The following HDAC4 variants were observed in gnomAD, a reference collection of about 807,000 sequenced individuals.
The protein encoded by HDAC4 is histone deacetylase A.
HDAC4 carries 16 observed loss-of-function variants against 135.1 expected under a neutral mutation model. The ratio of observed to expected loss-of-function variants is 0.12; its 90% CI spans 0.08 to 0.18. The LOEUF is 0.18. Among genes scored for constraint, HDAC4 ranks in the 10% least tolerant of loss-of-function variants. HDAC4 has a pLI of 1.00. For missense variants in HDAC4, 1,143 were observed against 1,511.8 expected, an observed-to-expected ratio of 0.76 and a Z score of 4.05; for synonymous variants, 685 against 653.4, an observed-to-expected ratio of 1.05 and a Z score of -0.74.
Position 239,146,200 on chromosome 2 carries a change from C to T in HDAC4, c.734-1486G>A, listed in dbSNP as rs1415181394. Among the ~76,000 whole-genome samples the T allele has an allele frequency of 6.6e-6, 1 of 152,226 alleles. No homozygotes were observed. Among genetic ancestry groups the T allele is most frequent in the Non-Finnish European group, 1.5e-5 (1 of 68,040 alleles). Reference sequence around the variant, plus strand: ...CACAAGCTCCACTTCTATTTCCACGCTGGGTTTCTTGCCATTATTCAAAAG... The same window carrying T: ...CACAAGCTCCACTTCTATTTCCACGTTGGGTTTCTTGCCATTATTCAAAAG... On this transcript the variant is annotated intron_variant, in intron 7 of 26. Transcript: ENST00000543185. The surrounding 1 kb of genome is among the most constrained non-coding windows in gnomAD (Gnocchi z 4.5).
At position 239,051,339 on chromosome 2, in the gene HDAC4, T is replaced by C. The variant is rs1426119630; in HGVS notation, c.*1758A>G. 1 of 152,080 alleles carries C rather than the reference T, an allele frequency of 6.6e-6. No individual in the cohort carries two copies. The highest frequency in any genetic ancestry group is 1.5e-5 in the Non-Finnish European group (1 of 67,994). The allele number at this position is 152,080 out of a possible 1,614,324, so 9.4% of individuals were successfully genotyped here. A position where few individuals can be genotyped will look rare whatever the true frequency, so the allele number is the denominator to read the frequency against. The stretch of plus-strand genomic sequence containing the variant: ...CTCCTCTCACTTTCTGAAAATAGAA[T>C]CTGACAGCAACAATTCTGTACGCTG... On this transcript the variant is annotated 3_prime_UTR_variant, in exon 27 of 27. Coordinates refer to ENST00000543185, the MANE Select transcript of HDAC4 (RefSeq NM_001378414.1).
intron 2 of HDAC4, among the ~76,000 whole-genome samples, chr2:239,295,263 C>T (rs1234904770): frequency 5.3e-5 from 7 of 132,504 alleles, no homozygotes; most frequent in Middle Eastern, 4.1e-3. Context: ...GCCGAGATCG[C>T]GCCCCTGCAC....
At chr2:239,371,559 A>C (rs1020199161) in intron 1 of HDAC4, among the ~76,000 whole-genome samples, 9 of 152,148 alleles carry the variant, frequency 5.9e-5, no homozygotes, top group Admixed American at 2.0e-4. Flanking sequence ...ACATGCACTC[A>C]TGCTCACAGT....
chr2:239,206,330 A>ATT (rs2046045380), intron 3 of HDAC4, among the ~76,000 whole-genome samples: 1 of 152,036 alleles, frequency 6.6e-6, no homozygotes, highest in Non-Finnish European at 1.5e-5. Context: ...CCTGCCTCAA[A>ATT]AAAAAAGAAA....
chr2:239,230,063 C>T (rs11691856), intron 3 of HDAC4, among the ~76,000 whole-genome samples: 19,685 of 151,962 alleles, frequency 0.13, 1,369 homozygotes, highest in African/African-American at 0.15. Context: ...AGGGTGGAAC[C>T]GGGAATCTTA....
chr2:239,388,156 G>A (rs1048800439), intron 1 of HDAC4, among the ~76,000 whole-genome samples: 13 of 152,198 alleles, frequency 8.5e-5, no homozygotes, highest in Non-Finnish European at 1.8e-4. Context: ...CTGGGGTTGG[G>A]GAAAGGCTGG....
intron 2 of HDAC4, among the ~76,000 whole-genome samples, chr2:239,267,275 C>T (rs892544881): frequency 1.1e-4 from 17 of 152,206 alleles, no homozygotes; most frequent in African/African-American, 3.9e-4. Flanking sequence ...AACACTAATC[C>T]GTGACCATGG....
chr2:239,166,307 G>A (rs3791521), intron 5 of HDAC4, among the ~76,000 whole-genome samples: 78,311 of 151,908 alleles, frequency 0.52, 20,916 homozygotes, highest in South Asian at 0.72. Context: ...ACGACCACCA[G>A]CATGAGTCCG....
In HDAC4 at chr2:239,290,892, G is replaced by A. The variant is rs140813019; in HGVS notation, c.23-54228C>T. On this transcript the variant is annotated intron_variant, in intron 2 of 26. Coordinates refer to ENST00000543185, the MANE Select transcript of HDAC4 (RefSeq NM_001378414.1). ...GGGCTCCTATCAAGTGGGTGGCTTC[G>A]CTCATTCACTCAGGAATTTTTCGTG... Among the ~76,000 whole-genome samples, 227 of 152,330 alleles carry A rather than the reference G, an allele frequency of 1.5e-3. 1 individual carries two copies. The highest frequency in any genetic ancestry group is 6.8e-3 in the Middle Eastern group (2 of 294).
intron 13 of HDAC4, among the ~76,000 whole-genome samples, chr2:239,113,480 G>A (rs1470902200): frequency 4.6e-5 from 7 of 152,164 alleles, no homozygotes; most frequent in Admixed American, 3.3e-4. Context: ...TGTTTACCTC[G>A]GCAAATTGCT....
chr2:239,199,226 G>C (rs1374056158), intron 3 of HDAC4, among the ~76,000 whole-genome samples: 1 of 151,894 alleles, frequency 6.6e-6, no homozygotes, highest in African/African-American at 2.4e-5. Flanking sequence ...CTGAAAGCTG[G>C]GTGCTCACCG....
At position 239,144,650 on chromosome 2, in the gene HDAC4, G is replaced by T; in HGVS notation, c.798C>A (p.Ser266Arg). The T allele has an allele frequency of 6.2e-7, 1 of 1,614,156 alleles. No homozygotes were observed. The highest frequency in any genetic ancestry group is 1.7e-5 in the Admixed American group (1 of 60,034). ...LKQKVAERRS[S>R]PLLRRKDGPV... Reference sequence around the variant, plus strand: ...GCCCGTCTTTCCTGCGTAACAGGGGGCTGCTCCGTCTTTCGGCCACTTTCT... The same window carrying T: ...GCCCGTCTTTCCTGCGTAACAGGGGTCTGCTCCGTCTTTCGGCCACTTTCT... Residue 266 changes from serine (S) to arginine (R), a missense_variant, in exon 8 of 27, where the codon AGC becomes AGA. Around this residue, in one of 9 missense-constraint regions of HDAC4, gnomAD observed 272 missense variants for 309.7 expected, o/e 0.88. Coordinates refer to ENST00000543185, the MANE Select transcript of HDAC4 (RefSeq NM_001378414.1).
At chr2:239,102,061 C>A (rs55868072) in intron 16 of HDAC4, among the ~76,000 whole-genome samples, 1 of 95,748 alleles carries the variant, frequency 1.0e-5, no homozygotes, top group Non-Finnish European at 2.3e-5. Context: ...CCCCCGGCCC[C>A]GGGTCCACGT....
chr2:239,334,485 C>T (rs1369471348), intron 2 of HDAC4, among the ~76,000 whole-genome samples: 1 of 151,726 alleles, frequency 6.6e-6, no homozygotes, highest in East Asian at 2.0e-4. Context: ...TGTGCCACTG[C>T]GCTCCAGCCT....
intron 1 of HDAC4, among the ~76,000 whole-genome samples, chr2:239,388,406 G>A (rs1266987693): frequency 6.6e-6 from 1 of 152,202 alleles, no homozygotes; most frequent in Non-Finnish European, 1.5e-5. Context: ...CGGCTTCCAG[G>A]ACTATCTGGG....
At chr2:239,328,003 C>T (rs973978847) in intron 2 of HDAC4, among the ~76,000 whole-genome samples, 6 of 152,300 alleles carry the variant, frequency 3.9e-5, no homozygotes, top group Non-Finnish European at 8.8e-5. Context: ...TCCACAAGGC[C>T]CCTCACTGCA....
chr2:239,395,118 A>C (rs1316412798), intron 1 of HDAC4, among the ~76,000 whole-genome samples: 1 of 152,220 alleles, frequency 6.6e-6, no homozygotes, highest in Non-Finnish European at 1.5e-5. Context: ...GTGTGTGCAA[A>C]GGCCCCGAGG....
chr2:239,230,966 G>A (rs1381215959), intron 3 of HDAC4, among the ~76,000 whole-genome samples: 1 of 152,192 alleles, frequency 6.6e-6, no homozygotes, highest in Non-Finnish European at 1.5e-5. Flanking sequence ...AAATGTAAGA[G>A]CAGTGTCTGG....
At position 239,053,566 on chromosome 2, in the gene HDAC4, T is replaced by C; in HGVS notation, c.3124A>G (p.Thr1042Ala). 6.2e-7 allele frequency: 1 copy of C among 1,613,908 alleles called. No homozygotes were observed. The highest frequency in any genetic ancestry group is 1.3e-5 in the African/African-American group (1 of 75,050). The part of the protein sequence containing the change: ...YWRCLQRTTS[T>A]AGRSLIEAQT... ...GCCTCGATCAGAGAACGCCCCGCTG[T>C]GGAGGTTGTGCGCTGCAGGCAGCGC... is the stretch of plus-strand genomic sequence containing the variant. Residue 1042 changes from threonine (T) to alanine (A), a missense_variant, in exon 26 of 27, where the codon ACA becomes GCA. By Grantham distance (58) the Thr-to-Ala change is moderately conservative. Transcript: ENST00000543185.
Sources: gnomAD v4.1 joint callset for allele counts (sites outside exome capture counted in the v4.1 genomes callset) on GRCh38, gnomAD v4.1.1 for gene constraint, gnomAD v4.1.1 regional missense constraint, Gnocchi (gnomAD v3.1) non-coding constraint, MANE v1.5 for transcripts, NCBI Gene and HGNC (gene_info 2026-07-23, HGNC 2026-07-21) for gene names.